PCSK2: variants seen among roughly 807,000 people sequenced by gnomAD.
PCSK2 encodes neuroendocrine convertase 2.
PCSK2 carries 14 observed loss-of-function variants against 69.7 expected under a neutral mutation model. The ratio of observed to expected loss-of-function variants is 0.20; its 90% CI spans 0.13 to 0.31. The LOEUF (loss-of-function observed/expected upper bound fraction) is 0.31. Among genes scored for constraint, PCSK2 ranks in the 10% least tolerant of loss-of-function variants. The pLI is 1.00. For synonymous variants in PCSK2, 307 were observed against 320.7 expected, an observed-to-expected ratio of 0.96 and a Z score of 0.46; for missense variants, 544 against 842.5, an observed-to-expected ratio of 0.65 and a Z score of 4.39.
intron 5 of PCSK2, among the ~76,000 whole-genome samples, chr20:17,383,437 C>T (rs2031145183): frequency 6.6e-6 from 1 of 152,124 alleles, no homozygotes; most frequent in South Asian, 2.1e-4. Context: ...AACAGAAAGC[C>T]TCTCTATCCA....
chr20:17,238,966 A>T (rs1279467753), intron 1 of PCSK2, among the ~76,000 whole-genome samples: 2 of 152,220 alleles, frequency 1.3e-5, no homozygotes, highest in Non-Finnish European at 2.9e-5. Flanking sequence ...GCTTAGCATC[A>T]TCATTAGATT....
At chr20:17,421,970 T>G (rs1297540113) in intron 6 of PCSK2, among the ~76,000 whole-genome samples, 1 of 152,122 alleles carries the variant, frequency 6.6e-6, no homozygotes, top group African/African-American at 2.4e-5. Flanking sequence ...TATGAAGCAG[T>G]CTTGAAAAAG....
intron 2 of PCSK2, among the ~76,000 whole-genome samples, chr20:17,297,360 T>C (rs977641231): frequency 6.6e-6 from 1 of 152,184 alleles, no homozygotes; most frequent in East Asian, 1.9e-4. Flanking sequence ...GGTAACTCCA[T>C]TGAGGTGGTG....
intron 5 of PCSK2, among the ~76,000 whole-genome samples, chr20:17,391,862 C>T (rs911655292): frequency 8.1e-6 from 1 of 123,340 alleles, no homozygotes; most frequent in African/African-American, 3.1e-5. Context: ...CAGAGTGATA[C>T]CATGTGAAAG....
intron 2 of PCSK2, among the ~76,000 whole-genome samples, chr20:17,307,407 G>A (rs908698669): frequency 6.6e-6 from 1 of 152,146 alleles, no homozygotes; most frequent in African/African-American, 2.4e-5. Flanking sequence ...TGAATAACAC[G>A]GTCATAAGAA....
At chr20:17,347,715 G>A (rs1879105647) in intron 2 of PCSK2, among the ~76,000 whole-genome samples, 1 of 151,498 alleles carries the variant, frequency 6.6e-6, no homozygotes, top group Non-Finnish European at 1.5e-5. Flanking sequence ...TGAGGAGACA[G>A]AGGATATGTG....
chr20:17,448,880 T>G (rs1487031784), intron 8 of PCSK2, among the ~76,000 whole-genome samples: 1 of 147,394 alleles, frequency 6.8e-6, no homozygotes, highest in African/African-American at 2.5e-5. Flanking sequence ...TAATTTCACC[T>G]AAATGCACTT....
In PCSK2 at chr20:17,352,133, C is replaced by A. The variant is rs576456692; in HGVS notation, c.283-6194C>A. 3.3e-5 allele frequency among the ~76,000 whole-genome samples: 5 copies of A among 152,250 alleles called. No individual in the cohort carries two copies. In the South Asian group the frequency reaches 6.2e-4, roughly 19 times the overall value. ...AAGAAGAATAAAATACCTAAGAATA[C>A]ATTTAACGAAAGAGGTAAAAGATCT... On this transcript the variant is annotated intron_variant, in intron 2 of 11. Coordinates refer to ENST00000262545, the MANE Select transcript of PCSK2 (RefSeq NM_002594.5).
intron 1 of PCSK2, among the ~76,000 whole-genome samples, chr20:17,236,676 C>A (rs1018570552): frequency 6.6e-6 from 1 of 152,106 alleles, no homozygotes; most frequent in Non-Finnish European, 1.5e-5. Context: ...ACTTCAATTA[C>A]AAATTCATTT....
chr20:17,445,952 A>G (rs545608648), intron 8 of PCSK2, among the ~76,000 whole-genome samples: 1 of 152,252 alleles, frequency 6.6e-6, no homozygotes, highest in East Asian at 1.9e-4. Context: ...TTTGCCAGGG[A>G]CTTTCCTGTT....
Position 17,260,356 on chromosome 20 carries a change from C to G in PCSK2, c.282+12C>G. On this transcript the variant is annotated intron_variant, in intron 2 of 11. Coordinates refer to ENST00000262545, the MANE Select transcript of PCSK2 (RefSeq NM_002594.5). ...AGAGAGACCCCAGGGTGAGTTTTCC[C>G]CAGAAACCTGCCTCCCAATCTCTGC... is the stretch of plus-strand genomic sequence containing the variant. 1.3e-6 allele frequency: 2 copies of G among 1,566,474 alleles called. No homozygotes were observed. Among genetic ancestry groups the G allele is most frequent in the Admixed American group, 1.7e-5 (1 of 59,928 alleles).
Position 17,260,323 on chromosome 20 carries a change from G to T in PCSK2, c.261G>T (p.Gln87His). The T allele has an allele frequency of 6.2e-7, 1 of 1,613,044 alleles. No homozygotes were observed. Among genetic ancestry groups the T allele is most frequent in the Non-Finnish European group, 8.5e-7 (1 of 1,178,992 alleles). Residue 87 changes from glutamine (Q) to histidine (H), a missense_variant, in exon 2 of 12, where the codon CAG becomes CAT. By Grantham distance (24) the Gln-to-His change is conservative. Around this residue, in one of 3 missense-constraint regions of PCSK2, gnomAD observed 157 missense variants for 155.0 expected, o/e 1.01. Coordinates refer to ENST00000262545, the MANE Select transcript of PCSK2 (RefSeq NM_002594.5). Reference protein sequence around the residue: ...AKRRRSLHHKQQLERDPRVKM... With the variant: ...AKRRRSLHHKHQLERDPRVKM... ...GAAGACGCAGCCTACACCACAAGCA[G>T]CAGCTGGAGAGAGACCCCAGGGTGA...
chr20:17,345,605 C>T (rs1000207544), intron 2 of PCSK2, among the ~76,000 whole-genome samples: 1 of 152,170 alleles, frequency 6.6e-6, no homozygotes, highest in Non-Finnish European at 1.5e-5. Flanking sequence ...ACTAGACTTG[C>T]CAAACCCATG....
chr20:17,401,962 C>T (rs1322036351), intron 5 of PCSK2, among the ~76,000 whole-genome samples: 2 of 152,152 alleles, frequency 1.3e-5, no homozygotes, highest in African/African-American at 2.4e-5. Context: ...CAGGAATGTA[C>T]GCTTTTAGGG....
intron 1 of PCSK2, among the ~76,000 whole-genome samples, chr20:17,230,944 A>T (rs940577371): frequency 6.6e-6 from 1 of 152,230 alleles, no homozygotes; most frequent in African/African-American, 2.4e-5. Context: ...ATCAGAAAAG[A>T]TACTTAAGTC....
intron 2 of PCSK2, among the ~76,000 whole-genome samples, chr20:17,268,608 A>G (rs1024507485): frequency 3.3e-5 from 5 of 152,182 alleles, no homozygotes; most frequent in Admixed American, 6.6e-5. Context: ...CTGCAAAGGA[A>G]TGAGCCAAGG....
intron 2 of PCSK2, among the ~76,000 whole-genome samples, chr20:17,320,837 G>T (rs1414458304): frequency 6.6e-6 from 1 of 152,194 alleles, no homozygotes. Context: ...GAATGCAGAA[G>T]GAATATGGGA....
intron 8 of PCSK2, among the ~76,000 whole-genome samples, chr20:17,452,408 T>A (rs1422677766): frequency 1.3e-5 from 2 of 152,254 alleles, no homozygotes; most frequent in Admixed American, 6.5e-5. Context: ...AATCACAGGC[T>A]GATTAATTCC....
chr20:17,391,549 C>T (rs1444049401), intron 5 of PCSK2, among the ~76,000 whole-genome samples: 1 of 152,106 alleles, frequency 6.6e-6, no homozygotes, highest in Non-Finnish European at 1.5e-5. Flanking sequence ...CTTCTGCCCA[C>T]CAAGCTTCAA....
Sources: allele counts gnomAD v4.1 joint callset (sites outside exome capture counted in the v4.1 genomes callset), GRCh38; gene constraint gnomAD v4.1.1; regional missense constraint gnomAD v4.1.1; transcripts MANE v1.5; gene names NCBI Gene and HGNC (gene_info 2026-07-23, HGNC 2026-07-21).